USP45: variants seen among roughly 807,000 people sequenced by gnomAD.
USP45 encodes ubiquitin specific peptidase 45.
Under a neutral mutation model 95.8 loss-of-function variants are expected in USP45, and 89 were observed. That is an observed-to-expected ratio of 0.93 (90% CI 0.78 to 1.11). The LOEUF (loss-of-function observed/expected upper bound fraction) is 1.11. USP45 is among the 50% of genes least tolerant of loss of function. The pLI is 0.00. For synonymous variants in USP45, 281 were observed against 316.2 expected (o/e 0.89, Z 1.18); for missense variants, 898 against 942.5 (o/e 0.95, Z 0.62).
In USP45 at chr6:99,446,453, A is replaced by G. The variant is rs748620118; in HGVS notation, c.1319T>C (p.Ile440Thr). The change falls in exon 14 of 18, where the codon ATT (isoleucine) becomes ACT (threonine). Residue 440 changes from isoleucine (I) to threonine (T), a missense_variant. By Grantham distance (89) the Ile-to-Thr change is moderately conservative (BLOSUM62 -1). Coordinates refer to ENST00000500704, the MANE Select transcript of USP45 (RefSeq NM_001346022.3). Reference sequence around the variant, plus strand: ...TTTTCTAATACATTTTCGGTCATGAATTAGTTGACTCTGTAAGTTGACAGT... The same window carrying G: ...TTTTCTAATACATTTTCGGTCATGAGTTAGTTGACTCTGTAAGTTGACAGT... ...HSSSKDKSQLIHDRKCIRKLS... is the reference protein window; with the variant it reads ...HSSSKDKSQLTHDRKCIRKLS... 1.2e-6 allele frequency: 2 copies of G among 1,611,562 alleles called. No individual in the cohort carries two copies. The highest frequency in any genetic ancestry group is 1.7e-6 in the Non-Finnish European group (2 of 1,179,332).
intron 13 of USP45, among the ~76,000 whole-genome samples, chr6:99,452,637 G>T (rs1184539289): frequency 6.6e-6 from 1 of 152,204 alleles, no homozygotes; most frequent in Non-Finnish European, 1.5e-5. Context: ...CAAGGATCTA[G>T]AACTAGAAAT....
At chr6:99,482,590 GAT>G (rs1792681816) in intron 8 of USP45, 161 bp downstream of exon 8, 1 of 571,432 alleles carries the variant, frequency 1.7e-6, no homozygotes, top group African/African-American at 1.9e-5. Context: ...TGAGGACTGA[GAT>G]ATAATTTTCA....
chr6:99,471,293 A>G (rs1370988031), intron 9 of USP45, among the ~76,000 whole-genome samples: 1 of 152,238 alleles, frequency 6.6e-6, no homozygotes, highest in East Asian at 1.9e-4. Context: ...AGAAAGATAC[A>G]TACTTTGGTC....
At position 99,468,460 on chromosome 6, in the gene USP45, G is replaced by A. The variant is rs1007530568; in HGVS notation, c.1015+77C>T. 6 of 984,330 alleles carry A rather than the reference G, an allele frequency of 6.1e-6. No homozygotes were observed. In the African/African-American group the frequency reaches 6.6e-5, roughly 11 times the overall value. 61.0% of individuals were successfully genotyped at this position (984,330 alleles called of 1,614,324 possible). ...ACTTTGGTGGATTAGTTCACATAAT[G>A]TTCAGTTCTTTTTCCAACTAAAATA... On this transcript the variant is annotated intron_variant, in intron 10 of 17. Transcript: ENST00000500704.
At chr6:99,482,631 T>C (rs956627944) in intron 8 of USP45, 122 bp downstream of exon 8, 5 of 947,294 alleles carry the variant, frequency 5.3e-6, no homozygotes, top group Non-Finnish European at 7.4e-6. Flanking sequence ...CAAATTTTAG[T>C]TCTCTTCATA....
At chr6:99,493,714 G>A (rs1326837174) in intron 5 of USP45, among the ~76,000 whole-genome samples, 1 of 152,018 alleles carries the variant, frequency 6.6e-6, no homozygotes, top group East Asian at 1.9e-4. Flanking sequence ...GTCCAGGCTG[G>A]TCTCGAACTC....
At chr6:99,457,175 A>G (rs1785289174) in intron 13 of USP45, among the ~76,000 whole-genome samples, 1 of 152,056 alleles carries the variant, frequency 6.6e-6, no homozygotes, top group Admixed American at 6.5e-5. Context: ...AGCAATTTTA[A>G]TTTCACCTCT....
intron 13 of USP45, among the ~76,000 whole-genome samples, chr6:99,458,364 T>G (rs1056664218): frequency 6.6e-6 from 1 of 152,166 alleles, no homozygotes; most frequent in Admixed American, 6.5e-5. Context: ...ATGAGCTCAG[T>G]GGTCTCCCTA....
intron 13 of USP45, chr6:99,462,300 T>C: frequency 1.0e-6 from 1 of 985,172 alleles, no homozygotes; most frequent in Non-Finnish European, 1.2e-6. Context: ...TTTCTATATA[T>C]CATATATGCA....
At chr6:99,454,203 A>C (rs1332836539) in intron 13 of USP45, among the ~76,000 whole-genome samples, 1 of 152,172 alleles carries the variant, frequency 6.6e-6, no homozygotes, top group East Asian at 1.9e-4. Flanking sequence ...AAGAACAAAC[A>C]CTGGGGGAAG....
At chr6:99,444,313 C>G (rs1321032286) in intron 14 of USP45, among the ~76,000 whole-genome samples, 1 of 152,160 alleles carries the variant, frequency 6.6e-6, no homozygotes, top group African/African-American at 2.4e-5. Context: ...CTGTGCCCAG[C>G]CCCAATTTCT....
intron 13 of USP45, among the ~76,000 whole-genome samples, chr6:99,447,651 C>A (rs1223880532): frequency 6.6e-6 from 1 of 152,192 alleles, no homozygotes; most frequent in African/African-American, 2.4e-5. Flanking sequence ...GCAGCAGAAA[C>A]CCCTGCAGAC....
At chr6:99,505,388 G>A (rs1275619927) in intron 4 of USP45, among the ~76,000 whole-genome samples, 1 of 152,078 alleles carries the variant, frequency 6.6e-6, no homozygotes, top group Non-Finnish European at 1.5e-5. Context: ...CATTATGGCC[G>A]GGTGTAGTGG....
chr6:99,435,868 C>A, intron 17 of USP45, 22 bp from the exon 18 acceptor site: 1 of 1,599,214 alleles, frequency 6.3e-7, no homozygotes, highest in African/African-American at 1.3e-5. Context: ...AAAAGAAGTA[C>A]AATTTTAAAG....
At chr6:99,443,473 C>CTGGT in intron 15 of USP45, 92 bp downstream of exon 15, 2 of 761,112 alleles carry the variant, frequency 2.6e-6, no homozygotes, top group Non-Finnish European at 4.1e-6. Flanking sequence ...CAATAAGTTA[C>CTGGT]TGGTTATTGT....
At chr6:99,507,280 T>C in intron 4 of USP45, 148 bp downstream of exon 4, 1 of 460,108 alleles carries the variant, frequency 2.2e-6, no homozygotes, top group Non-Finnish European at 3.8e-6. Context: ...AATATTAATT[T>C]TCTTGAAGTA....
chr6:99,471,958 C>T (rs1789501023), intron 9 of USP45, among the ~76,000 whole-genome samples: 1 of 152,144 alleles, frequency 6.6e-6, no homozygotes, highest in African/African-American at 2.4e-5. Context: ...TTTACTGCAC[C>T]ATTTAAAGCC....
chr6:99,464,253 C>G (rs956981350), intron 13 of USP45, among the ~76,000 whole-genome samples: 2 of 152,176 alleles, frequency 1.3e-5, no homozygotes, highest in African/African-American at 2.4e-5. Context: ...CTGCAGTTAG[C>G]TGAGATTGCA....
intron 14 of USP45, among the ~76,000 whole-genome samples, chr6:99,445,150 C>G (rs1782250766): frequency 6.6e-6 from 1 of 152,042 alleles, no homozygotes; most frequent in Non-Finnish European, 1.5e-5. Flanking sequence ...ATCTGTGAAA[C>G]ACATTAGCTT....
Sources: allele counts gnomAD v4.1 joint callset (sites outside exome capture counted in the v4.1 genomes callset), GRCh38; gene constraint gnomAD v4.1.1; transcripts MANE v1.5; gene names NCBI Gene and HGNC (gene_info 2026-07-23, HGNC 2026-07-21).